The following EYA4 variants were observed in gnomAD, a reference collection of about 807,000 sequenced individuals.
EYA4 encodes the protein EYA transcriptional coactivator and phosphatase 4.
Under a neutral mutation model 87.9 loss-of-function variants are expected in EYA4, and 31 were observed. The ratio of observed to expected loss-of-function variants is 0.35; its 90% confidence interval spans 0.27 to 0.48. The LOEUF is 0.48. Ranked by LOEUF, EYA4 falls within the 20% of genes least tolerant of loss-of-function variation. The probability of loss-of-function intolerance (pLI) is 0.99; values close to 1 mark genes in which losing one functional copy is unlikely to be tolerated. For synonymous variants in EYA4, 263 were observed against 270.6 expected, an observed-to-expected ratio of 0.97 and a Z score of 0.28; for missense variants, 678 against 761.4, an observed-to-expected ratio of 0.89 and a Z score of 1.29.
intron 2 of EYA4, among the ~76,000 whole-genome samples, chr6:133,343,233 T>G (rs1333518415): frequency 6.6e-6 from 1 of 152,200 alleles, no homozygotes; most frequent in Non-Finnish European, 1.5e-5. Flanking sequence ...ATTGTACATA[T>G]GAAAAGATAT....
At chr6:133,330,517 C>G (rs1781843473) in intron 2 of EYA4, among the ~76,000 whole-genome samples, 1 of 149,262 alleles carries the variant, frequency 6.7e-6, no homozygotes, top group Non-Finnish European at 1.5e-5. Flanking sequence ...TTAGAAATGA[C>G]AAATATCAAA....
intron 19 of EYA4, among the ~76,000 whole-genome samples, chr6:133,528,004 G>A (rs923450869): frequency 3.4e-4 from 51 of 151,834 alleles, no homozygotes; most frequent in African/African-American, 1.1e-3. Flanking sequence ...TACTATTATA[G>A]TATATCTTTT....
intron 13 of EYA4, among the ~76,000 whole-genome samples, chr6:133,500,300 G>A (rs184520537): frequency 6.6e-6 from 1 of 152,136 alleles, no homozygotes; most frequent in African/African-American, 2.4e-5. Flanking sequence ...ATGCATGGTG[G>A]AGTCTGAGAA....
rs137980949 is a variant in EYA4 at position 133,312,592 on chromosome 6, T to A, written c.33+37779T>A. 7.7e-4 allele frequency among the ~76,000 whole-genome samples: 117 copies of A among 152,332 alleles called. 1 individual carries two copies. Among genetic ancestry groups the A allele is most frequent in the African/African-American group, 2.6e-3 (107 of 41,580 alleles). On this transcript the variant is annotated intron_variant, in intron 2 of 19. Transcript: ENST00000355286. ...TGGTATTGGTATACATGTAGATGAT[T>A]GTAGTTAACTATTTCTCAGATATTT...
intron 3 of EYA4, among the ~76,000 whole-genome samples, chr6:133,442,921 T>G (rs1367224678): frequency 1.3e-5 from 2 of 152,102 alleles, no homozygotes; most frequent in African/African-American, 2.4e-5. Flanking sequence ...TATGTTAATA[T>G]ATTGAATTAC....
intron 6 of EYA4, among the ~76,000 whole-genome samples, chr6:133,459,474 C>T (rs116298120): frequency 0.014 from 2,205 of 152,140 alleles, 40 homozygotes; most frequent in African/African-American, 0.048. Context: ...TTCTATTTCA[C>T]AATATTGATA....
chr6:133,526,648 G>A (rs1342130925), intron 19 of EYA4, among the ~76,000 whole-genome samples: 1 of 152,254 alleles, frequency 6.6e-6, no homozygotes, highest in East Asian at 1.9e-4. Flanking sequence ...CAGCACACTA[G>A]CCCCAAGCAC....
At chr6:133,435,268 C>T (rs1054004363) in intron 3 of EYA4, 2 of 152,168 alleles carry the variant, frequency 1.3e-5, no homozygotes, top group East Asian at 1.9e-4. Flanking sequence ...GCTGTTAGTC[C>T]GAGGCCTGAG....
At chr6:133,393,741 A>T (rs1787506587) in intron 3 of EYA4, among the ~76,000 whole-genome samples, 1 of 152,160 alleles carries the variant, frequency 6.6e-6, no homozygotes, top group Admixed American at 6.5e-5. Context: ...GTCTTGGACT[A>T]ATTGCCTCTT....
intron 3 of EYA4, among the ~76,000 whole-genome samples, chr6:133,416,829 A>G (rs895928380): frequency 2.0e-5 from 3 of 152,182 alleles, no homozygotes; most frequent in Non-Finnish European, 4.4e-5. Flanking sequence ...CATGAATAGG[A>G]GAATAGGGCA....
chr6:133,431,216 T>C (rs1791152897), intron 3 of EYA4, among the ~76,000 whole-genome samples: 1 of 152,046 alleles, frequency 6.6e-6, no homozygotes, highest in African/African-American at 2.4e-5. Flanking sequence ...AGCAAGGCCT[T>C]AGAGACTGTG....
chr6:133,347,552 G>A (rs1469448115), intron 2 of EYA4, among the ~76,000 whole-genome samples: 2 of 152,110 alleles, frequency 1.3e-5, no homozygotes, highest in Admixed American at 6.6e-5. Context: ...ACGGAAAAGG[G>A]CAAGAGGATT....
chr6:133,531,316 GT>G lies in EYA4; in HGVS notation c.*2513del. 1.1e-6 allele frequency: 1 copy of G among 919,084 alleles called. No homozygotes were observed. The allele number at this position is 919,084 out of a possible 1,614,324, so 56.9% of individuals were successfully genotyped here. Reference sequence around the variant, plus strand: ...CAGCATCACAGCTTGGCCATGGGACGTTGAGTATGCACAAACTAGAACTCTT... The same window carrying G: ...CAGCATCACAGCTTGGCCATGGGACGTGAGTATGCACAAACTAGAACTCTT... On this transcript the variant is annotated 3_prime_UTR_variant, in exon 20 of 20. Coordinates refer to ENST00000355286, the MANE Select transcript of EYA4 (RefSeq NM_004100.5).
chr6:133,360,215 A>G (rs1784354812), intron 2 of EYA4: 1 of 152,254 alleles, frequency 6.6e-6, no homozygotes, highest in African/African-American at 2.4e-5. Flanking sequence ...AACATTTACA[A>G]GTAAAGGTAT....
intron 2 of EYA4, among the ~76,000 whole-genome samples, chr6:133,313,154 TG>T (rs1178837187): frequency 1.2e-4 from 18 of 152,118 alleles, no homozygotes; most frequent in African/African-American, 3.9e-4. Context: ...GGTATGGGAG[TG>T]CCAGGGTGTG....
intron 11 of EYA4, among the ~76,000 whole-genome samples, chr6:133,469,626 T>C (rs73544958): frequency 0.048 from 7,224 of 151,884 alleles, 539 homozygotes; most frequent in African/African-American, 0.15. Context: ...CAAATGGTGC[T>C]AGAACAATTG....
chr6:133,444,966 C>T (rs536553143), intron 3 of EYA4, among the ~76,000 whole-genome samples: 10 of 152,066 alleles, frequency 6.6e-5, no homozygotes, highest in South Asian at 2.1e-4. Flanking sequence ...TGTTTGAGTT[C>T]GAGTGTGCCA....
intron 2 of EYA4, among the ~76,000 whole-genome samples, chr6:133,301,858 A>G (rs368622823): frequency 1.3e-5 from 2 of 152,248 alleles, no homozygotes; most frequent in East Asian, 1.9e-4. Flanking sequence ...CTTCAGGAGC[A>G]GAAGGATGAA....
intron 3 of EYA4, among the ~76,000 whole-genome samples, chr6:133,416,217 A>C (rs1789700210): frequency 6.6e-6 from 1 of 152,204 alleles, no homozygotes; most frequent in African/African-American, 2.4e-5. Flanking sequence ...AGAAGATGAA[A>C]TTGGAGGCAG....
Sources: gnomAD v4.1 joint callset for allele counts (sites outside exome capture counted in the v4.1 genomes callset) on GRCh38, gnomAD v4.1.1 for gene constraint, MANE v1.5 for transcripts, NCBI Gene and HGNC (gene_info 2026-07-23, HGNC 2026-07-21) for gene names.